MAP3K20: variants seen among roughly 807,000 people sequenced by gnomAD.
MAP3K20 encodes mitogen-activated protein kinase kinase kinase 20, also known as HCCS-4.
A neutral mutation model predicts 85.7 loss-of-function variants in MAP3K20; 40 were observed. The observed-to-expected ratio is 0.47, with a 90% CI of 0.36 to 0.61. MAP3K20 has a LOEUF of 0.61. Among genes scored for constraint, MAP3K20 ranks in the 20% least tolerant of loss-of-function variants. MAP3K20 has a pLI of 0.00. For synonymous variants in MAP3K20, 325 were observed against 327.7 expected (o/e 0.99, Z 0.09); for missense variants, 817 against 961.7 (o/e 0.85, Z 1.99).
In MAP3K20 at chr2:173,266,199, C is replaced by T. The variant is rs775275092; in HGVS notation, c.1852C>T (p.Pro618Ser). ...TTCCTACGCTGCTGCTGTGAGACGG[C>T]CCCAGGTGCCCATTAAGTATCAACA... ...QDSYAAAVRR[P>S]QVPIKYQQIT... Residue 618 changes from proline to serine, a missense_variant, in exon 20 of 20, where the codon CCC becomes TCC. Transcript: ENST00000375213. 4 of 1,614,040 alleles carry T rather than the reference C, an allele frequency of 2.5e-6. No individual in the cohort carries two copies. In the East Asian group the frequency reaches 6.7e-5, roughly 27 times the overall value.
intron 9 of MAP3K20, among the ~76,000 whole-genome samples, chr2:173,208,904 G>T (rs1226415487): frequency 6.6e-6 from 1 of 152,082 alleles, no homozygotes; most frequent in Non-Finnish European, 1.5e-5. Flanking sequence ...CTCAACCTTG[G>T]CTAGAGTCTA....
chr2:173,230,049 C>T (rs903698534), intron 12 of MAP3K20, among the ~76,000 whole-genome samples: 1 of 152,186 alleles, frequency 6.6e-6, no homozygotes, highest in Non-Finnish European at 1.5e-5. Context: ...CCAGGCTGGT[C>T]TCGAACTCCT....
intron 10 of MAP3K20, chr2:173,210,816 T>C (rs993722274): frequency 3.3e-5 from 5 of 152,212 alleles, no homozygotes; most frequent in African/African-American, 1.2e-4. Context: ...TGCATGCACT[T>C]TGAAAATTAC....
intron 2 of MAP3K20, among the ~76,000 whole-genome samples, chr2:173,095,845 C>T (rs1414397315): frequency 3.3e-5 from 5 of 152,104 alleles, no homozygotes; most frequent in African/African-American, 1.2e-4. Flanking sequence ...ACAATATGAT[C>T]CCAGGTATAG....
At chr2:173,202,904 T>C (rs1323038647) in intron 8 of MAP3K20, among the ~76,000 whole-genome samples, 1 of 152,222 alleles carries the variant, frequency 6.6e-6, no homozygotes, top group African/African-American at 2.4e-5. Flanking sequence ...CAGTGTATCT[T>C]AAAACTGTTC....
At chr2:173,082,789 G>A (rs1405662643) in intron 1 of MAP3K20, among the ~76,000 whole-genome samples, 3 of 152,186 alleles carry the variant, frequency 2.0e-5, no homozygotes, top group Non-Finnish European at 4.4e-5. Flanking sequence ...ACAAGCCCAC[G>A]CAGCGGCCTA....
rs554876749 is a variant in MAP3K20, at chr2:173,090,922, A to G, written c.-34-76A>G. 4 of 1,457,730 alleles carry G rather than the reference A, an allele frequency of 2.7e-6. No homozygotes were observed. In the East Asian group the frequency reaches 7.0e-5, roughly 26 times the overall value. The allele number at this position is 1,457,730 out of a possible 1,614,324, so 90.3% of individuals were successfully genotyped here. On this transcript the variant is annotated intron_variant, in intron 1 of 19. Transcript: ENST00000375213. ...GTTTCACAGGACTCGTTCATGATAT[A>G]TTATCTAAAGTAGGATTCAGAGGAT... is the stretch of plus-strand genomic sequence containing the variant.
At chr2:173,265,668 G>A (rs1306659520) in intron 19 of MAP3K20, among the ~76,000 whole-genome samples, 1 of 152,224 alleles carries the variant, frequency 6.6e-6, no homozygotes, top group Non-Finnish European at 1.5e-5. Flanking sequence ...GTAGGAAGAA[G>A]ATGGGATTTA....
chr2:173,155,501 A>G (rs1689439311), intron 2 of MAP3K20, among the ~76,000 whole-genome samples: 1 of 152,198 alleles, frequency 6.6e-6, no homozygotes, highest in African/African-American at 2.4e-5. Context: ...TGTTGGGTGA[A>G]TGTTGAATGG....
At chr2:173,143,886 T>TA (rs201347842) in intron 2 of MAP3K20, among the ~76,000 whole-genome samples, 4 of 151,718 alleles carry the variant, frequency 2.6e-5, no homozygotes, top group Admixed American at 6.6e-5. Flanking sequence ...AAAGACAATG[T>TA]AAAAAAAAAT....
chr2:173,209,703 A>C (rs1683816224), intron 9 of MAP3K20, 26 bp from the exon 10 acceptor site: 1 of 1,581,744 alleles, frequency 6.3e-7, no homozygotes, highest in African/African-American at 1.4e-5. Context: ...GTCCCAGCGA[A>C]TGATTACTTA....
At chr2:173,132,439 G>C (rs1688644597) in intron 2 of MAP3K20, among the ~76,000 whole-genome samples, 1 of 152,144 alleles carries the variant, frequency 6.6e-6, no homozygotes, top group African/African-American at 2.4e-5. Flanking sequence ...CTCCGAATGA[G>C]CAGTGTGCTT....
chr2:173,232,385 C>T lies in MAP3K20; in HGVS notation c.1129C>T (p.Arg377Trp). The T allele has an allele frequency of 6.2e-7, 1 of 1,614,162 alleles. No homozygotes were observed. Among genetic ancestry groups the T allele is most frequent in the Non-Finnish European group, 8.5e-7 (1 of 1,180,034 alleles). ...TAAAGAAAACAACATTACAGGGAAG[C>T]GGCTGCTGCTGCTGGAGGAAGAAGA... The part of the protein sequence containing the change: ...LFKENNITGK[R>W]LLLLEEEDLK... Residue 377 changes from arginine to tryptophan, a missense_variant, in exon 14 of 20, where the codon CGG becomes TGG. Coordinates refer to ENST00000375213, the MANE Select transcript of MAP3K20 (RefSeq NM_016653.3).
intron 2 of MAP3K20, among the ~76,000 whole-genome samples, chr2:173,102,255 A>G (rs1233519003): frequency 6.6e-6 from 1 of 152,226 alleles, no homozygotes; most frequent in African/African-American, 2.4e-5. Flanking sequence ...ATGAATCTTC[A>G]GAAAAGAATA....
In MAP3K20 at chr2:173,142,313, A is replaced by G. The variant is rs552578587; in HGVS notation, c.160-27492A>G. On this transcript the variant is annotated intron_variant, in intron 2 of 19. Coordinates refer to ENST00000375213, the MANE Select transcript of MAP3K20 (RefSeq NM_016653.3). ...TGGTAAAACCCTGACTCTACTAAAA[A>G]TACCAAAAATAAGCCCGGCGTGGTG... is the stretch of plus-strand genomic sequence containing the variant. 1.2e-4 allele frequency among the ~76,000 whole-genome samples: 18 copies of G among 152,212 alleles called. No individual in the cohort carries two copies. The East Asian group carries it at 3.5e-3, about 29-fold the overall frequency.
In MAP3K20 at chr2:173,198,122, C is replaced by T. The variant is rs768159171; in HGVS notation, c.669+10C>T. 13 of 1,609,650 alleles carry T rather than the reference C, an allele frequency of 8.1e-6. No homozygotes were observed. The highest frequency in any genetic ancestry group is 2.2e-5 in the South Asian group (2 of 90,722). ...AGTGGAAAAAAACGAGGTAAGACTA[C>T]GTTTCTCCATTCAGGTACATAGATC... On this transcript the variant is annotated intron_variant, in intron 8 of 19. Transcript: ENST00000375213. This position sits in a 1 kb window ranked among gnomAD's most constrained non-coding sequence, Gnocchi z 5.8.
At chr2:173,159,294 T>C (rs1689571783) in intron 2 of MAP3K20, among the ~76,000 whole-genome samples, 1 of 142,424 alleles carries the variant, frequency 7.0e-6, no homozygotes, top group African/African-American at 2.4e-5. Context: ...GACTGAATTC[T>C]TGTCTGTGTT....
At chr2:173,134,260 G>A (rs1412539235) in intron 2 of MAP3K20, among the ~76,000 whole-genome samples, 1 of 139,846 alleles carries the variant, frequency 7.2e-6, no homozygotes, top group African/African-American at 2.7e-5. Context: ...GCGTGATTTT[G>A]GCTTACTGGC....
chr2:173,083,697 T>C (rs1201502047), intron 1 of MAP3K20, among the ~76,000 whole-genome samples: 1 of 152,212 alleles, frequency 6.6e-6, no homozygotes, highest in African/African-American at 2.4e-5. Context: ...TTCCAAGTGG[T>C]GTTCTTTTTA....
Sources: allele counts gnomAD v4.1 joint callset (sites outside exome capture counted in the v4.1 genomes callset), GRCh38; gene constraint gnomAD v4.1.1; non-coding constraint Gnocchi (gnomAD v3.1); transcripts MANE v1.5; gene names NCBI Gene and HGNC (gene_info 2026-07-23, HGNC 2026-07-21).